Variants in ZNF564 observed in about 807,000 individuals in gnomAD.
ZNF564 encodes the protein zinc finger protein 564.
A neutral mutation model predicts 10.5 loss-of-function variants in ZNF564; 5 were observed. The ratio of observed to expected loss-of-function variants is 0.48; its 90% CI spans 0.25 to 1.00. The LOEUF (loss-of-function observed/expected upper bound fraction) is 1.00, where lower values mean the gene tolerates loss of function less well. Among genes scored for constraint, ZNF564 ranks in the 50% least tolerant of loss-of-function variants. The probability of loss-of-function intolerance (pLI) is 0.16; values close to 1 mark genes in which losing one functional copy is unlikely to be tolerated. For synonymous variants in ZNF564, 242 were observed against 218.1 expected (o/e 1.11, Z -0.97); for missense variants, 603 against 669.7 (o/e 0.90, Z 1.10).
At position 12,527,144 on chromosome 19, in the gene ZNF564, T is replaced by C. The variant is rs1192441084; in HGVS notation, c.964A>G (p.Ser322Gly). The C allele has an allele frequency of 1.2e-6, 2 of 1,614,048 alleles. No individual in the cohort carries two copies. Among genetic ancestry groups the C allele is most frequent in the African/African-American group, 2.7e-5 (2 of 74,932 alleles). ...GTTCTTTCATGCTTTCGAACATAAC[T>C]GGGAAAAATAAAGGCTCTCCCACAT... is the stretch of plus-strand genomic sequence containing the variant. ...KVCGRAFIFP[S>G]YVRKHERTHT... Residue 322 changes from serine to glycine, a missense_variant, in exon 4 of 4, where the codon AGT becomes GGT. Physicochemically the swap from Ser to Gly is moderately conservative, Grantham distance 56. Transcript: ENST00000339282.
intron 1 of ZNF564, among the ~76,000 whole-genome samples, chr19:12,545,084 C>T (rs1331226934): frequency 1.3e-5 from 2 of 151,702 alleles, no homozygotes; most frequent in Admixed American, 6.6e-5. Context: ...CACGGAGAAA[C>T]CCCCCGTCTC....
chr19:12,539,889 G>A (rs1256985332), intron 1 of ZNF564, among the ~76,000 whole-genome samples: 2 of 151,130 alleles, frequency 1.3e-5, no homozygotes, highest in Non-Finnish European at 2.9e-5. Context: ...GCTGAGGCAG[G>A]AGATTGGCGT....
chr19:12,551,432 T>G lies in ZNF564; in HGVS notation c.-100A>C. On this transcript the variant is annotated 5_prime_UTR_variant, in exon 1 of 4. Coordinates refer to ENST00000339282, the MANE Select transcript of ZNF564 (RefSeq NM_144976.4). ...GCTGCGGTGGAGCCACCGGGGCCAC[T>G]GGAGAAGCGGAGACCGGAACCCAAA... 1 of 1,453,818 alleles carries G rather than the reference T, an allele frequency of 6.9e-7. No homozygotes were observed. Among genetic ancestry groups the G allele is most frequent in the Admixed American group, 2.6e-5 (1 of 38,170 alleles). 90.1% of individuals were successfully genotyped at this position (1,453,818 alleles called of 1,614,324 possible).
intron 1 of ZNF564, chr19:12,530,163 C>G (rs1367664511): frequency 6.6e-6 from 1 of 152,298 alleles, no homozygotes; most frequent in African/African-American, 2.4e-5. Flanking sequence ...CAAAATCCAG[C>G]TGACCACACT....
chr19:12,548,314 T>G, intron 1 of ZNF564: 27 of 239,158 alleles, frequency 1.1e-4, no homozygotes, highest in Non-Finnish European at 1.7e-4. Flanking sequence ...GCCTCCCGGG[T>G]TCACGTCATT....
At chr19:12,528,894 T>C (rs1423206843) in intron 1 of ZNF564, among the ~76,000 whole-genome samples, 198 bp from the exon 2 acceptor site, 1 of 152,160 alleles carries the variant, frequency 6.6e-6, no homozygotes, top group Non-Finnish European at 1.5e-5. Context: ...TGAAACCCCA[T>C]CTCTACTACA....
chr19:12,545,525 C>T (rs1161946791), intron 1 of ZNF564, among the ~76,000 whole-genome samples: 2 of 152,126 alleles, frequency 1.3e-5, no homozygotes, highest in Admixed American at 6.6e-5. Flanking sequence ...AAGTTCAGGG[C>T]TCAGTCTCAC....
At chr19:12,542,459 C>A (rs1441381529) in intron 1 of ZNF564, among the ~76,000 whole-genome samples, 1 of 151,696 alleles carries the variant, frequency 6.6e-6, no homozygotes, top group African/African-American at 2.4e-5. Flanking sequence ...GAAACCTCAA[C>A]CAAAATTAAA....
chr19:12,534,871 A>G (rs1352826714), intron 1 of ZNF564, among the ~76,000 whole-genome samples: 2 of 152,104 alleles, frequency 1.3e-5, no homozygotes, highest in Non-Finnish European at 2.9e-5. Flanking sequence ...GCTCCTTGGT[A>G]TTTATCAAAA....
chr19:12,530,318 A>G (rs1599278043), intron 1 of ZNF564: 2 of 152,318 alleles, frequency 1.3e-5, no homozygotes, highest in East Asian at 3.9e-4. Flanking sequence ...CCATTTCACT[A>G]GGCTAGGAAG....
intron 1 of ZNF564, among the ~76,000 whole-genome samples, chr19:12,540,994 G>A (rs905434113): frequency 1.5e-5 from 2 of 129,258 alleles, no homozygotes; most frequent in Non-Finnish European, 3.1e-5. Context: ...CTGGGCAACA[G>A]AGACTCTGTC....
At chr19:12,530,912 GCAAGACACCAT>G in intron 1 of ZNF564, among the ~76,000 whole-genome samples, 1 of 152,084 alleles carries the variant, frequency 6.6e-6, no homozygotes, top group Admixed American at 6.6e-5. Flanking sequence ...AACTATAGTC[GCAAGACACCAT>G]GTCTAGCTAA....
chr19:12,528,445 G>A, intron 2 of ZNF564, 81 bp from the exon 3 acceptor site: 3 of 1,571,504 alleles, frequency 1.9e-6, no homozygotes, highest in Non-Finnish European at 2.6e-6. Flanking sequence ...ATGATAAGGT[G>A]CAAACAACCC....
intron 1 of ZNF564, among the ~76,000 whole-genome samples, chr19:12,547,211 GCAC>G (rs2145097077): frequency 6.6e-6 from 1 of 152,190 alleles, no homozygotes; most frequent in South Asian, 2.1e-4. Flanking sequence ...CTATAGGTGT[GCAC>G]CACCACAATT....
chr19:12,541,066 C>CAAAA (rs35848835), intron 1 of ZNF564, among the ~76,000 whole-genome samples: 73 of 58,196 alleles, frequency 1.3e-3, no homozygotes, highest in Non-Finnish European at 1.4e-3. Context: ...CCTGTCTCTA[C>CAAAA]AAAAAAAAAA....
intron 1 of ZNF564, among the ~76,000 whole-genome samples, chr19:12,545,561 C>T (rs1370080544): frequency 1.3e-5 from 2 of 152,190 alleles, no homozygotes; most frequent in African/African-American, 4.8e-5. Context: ...ATGCCAGTCA[C>T]AAGCCGCAGG....
At position 12,526,978 on chromosome 19, in the gene ZNF564, A is replaced by C. The variant is rs1018601746; in HGVS notation, c.1130T>G (p.Leu377Arg). The change falls in exon 4 of 4, where the codon CTC (leucine) becomes CGC (arginine). Residue 377 changes from leucine (L) to arginine (R), a missense_variant. Transcript: ENST00000339282. ...CKECGKAFIS[L>R]PSVRRHMIKH... ...TATCATGTGTCTTCGGACACTTGGGAGAGAAATGAAGGCTTTCCCGCATTC... is the reference window on the plus strand; with the variant it reads ...TATCATGTGTCTTCGGACACTTGGGCGAGAAATGAAGGCTTTCCCGCATTC... The C allele has an allele frequency of 1.9e-6, 3 of 1,613,734 alleles. No individual in the cohort carries two copies. In the African/African-American group the frequency reaches 4.0e-5, roughly 22 times the overall value.
At chr19:12,528,034 G>GT in intron 3 of ZNF564, 118 bp from the exon 4 acceptor site, 5 of 1,157,430 alleles carry the variant, frequency 4.3e-6, no homozygotes, top group Non-Finnish European at 6.1e-6. Flanking sequence ...TGTATGAATT[G>GT]TTTGAAAGTG....
chr19:12,528,929 T>G (rs2021746058), intron 1 of ZNF564, among the ~76,000 whole-genome samples: 1 of 152,130 alleles, frequency 6.6e-6, no homozygotes, highest in Non-Finnish European at 1.5e-5. Context: ...CTGGGCGTGG[T>G]GGCGTATGCC....
Sources: allele counts gnomAD v4.1 joint callset (sites outside exome capture counted in the v4.1 genomes callset), GRCh38; gene constraint gnomAD v4.1.1; transcripts MANE v1.5; gene names NCBI Gene and HGNC (gene_info 2026-07-23, HGNC 2026-07-21).